Variants in TGM4 observed in about 807,000 individuals in gnomAD.
TGM4 encodes the protein transglutaminase 4, also known as protein-glutamine gamma-glutamyltransferase 4.
TGM4 carries 61 observed loss-of-function variants against 76.3 expected under a neutral mutation model. The ratio of observed to expected loss-of-function variants is 0.80; its 90% CI spans 0.65 to 0.99. The LOEUF (loss-of-function observed/expected upper bound fraction) is 0.99, where lower values mean the gene tolerates loss of function less well. Among genes scored for constraint, TGM4 ranks in the 50% least tolerant of loss-of-function variants. The pLI, the probability that TGM4 is intolerant of heterozygous loss-of-function variation, is 0.00. For synonymous variants in TGM4, 337 were observed against 329.8 expected, an observed-to-expected ratio of 1.02 and a Z score of -0.24; for missense variants, 794 against 843.2, an observed-to-expected ratio of 0.94 and a Z score of 0.72.
intron 10 of TGM4, 94 bp downstream of exon 10, chr3:44,907,294 G>A (rs375629233): frequency 4.0e-5 from 45 of 1,112,144 alleles, no homozygotes; most frequent in East Asian, 2.0e-4. Context: ...GCAACATGGT[G>A]AAACCCCATC....
rs114987106 is a variant in TGM4 at position 44,900,615 on chromosome 3, A to G, written c.658-909A>G. On this transcript the variant is annotated intron_variant, in intron 6 of 13. Coordinates refer to ENST00000296125, the MANE Select transcript of TGM4 (RefSeq NM_003241.4). ...ACTGTGCTTTTCACAAGGCATGATGAGGTTTGCAAAGGACGTTAGTGTGCA... is the reference window on the plus strand; with the variant it reads ...ACTGTGCTTTTCACAAGGCATGATGGGGTTTGCAAAGGACGTTAGTGTGCA... Among the ~76,000 whole-genome samples the G allele has an allele frequency of 9.2e-3, 1,407 of 152,294 alleles. 11 individuals are homozygous for G. Among genetic ancestry groups the G allele is most frequent in the Non-Finnish European group, 0.013 (863 of 68,016 alleles).
At chr3:44,891,512 TACACACACAC>T (rs9311363) in intron 4 of TGM4, among the ~76,000 whole-genome samples, 1 of 148,020 alleles carries the variant, frequency 6.8e-6, no homozygotes, top group South Asian at 2.2e-4. Context: ...CTCCCTCCTC[TACACACACAC>T]ACACACACAC....
At chr3:44,899,731 C>T (rs1699827060) in intron 6 of TGM4, 1 of 152,310 alleles carries the variant, frequency 6.6e-6, no homozygotes, top group African/African-American at 2.4e-5. Context: ...CATTATCTCC[C>T]ATGTCTGTGG....
intron 8 of TGM4, chr3:44,903,584 AC>A (rs1269662639): frequency 2.7e-6 from 1 of 375,080 alleles, no homozygotes; most frequent in Non-Finnish European, 4.9e-6. Context: ...CTTCGAGTTC[AC>A]CATCTCTAGT....
chr3:44,879,819 A>G (rs116513621), intron 1 of TGM4, among the ~76,000 whole-genome samples: 2,948 of 151,368 alleles, frequency 0.019, 49 homozygotes, highest in Middle Eastern at 0.065. Context: ...ATTTTTTGAA[A>G]TAAGGTCTCA....
At chr3:44,877,330 C>T (rs1462253626) in intron 1 of TGM4, among the ~76,000 whole-genome samples, 1 of 152,082 alleles carries the variant, frequency 6.6e-6, no homozygotes, top group Non-Finnish European at 1.5e-5. Flanking sequence ...CACCGGTAAT[C>T]CCAGCTACTT....
At chr3:44,912,887 G>C (rs184370087) in intron 13 of TGM4, among the ~76,000 whole-genome samples, 184 of 152,246 alleles carry the variant, frequency 1.2e-3, no homozygotes, top group Non-Finnish European at 2.0e-3. Flanking sequence ...TTGTTTGCTG[G>C]ACTATATGGA....
Position 44,911,330 on chromosome 3 carries a change from C to T in TGM4, c.1837C>T (p.Leu613=). Residue 613 remains leucine (L), a synonymous_variant, in exon 13 of 14, where the codon CTG becomes TTG. Coordinates refer to ENST00000296125, the MANE Select transcript of TGM4 (RefSeq NM_003241.4). ...LVCNCIFKNT[L]AIPLTDVKFS... ...CTGCAATTGTATCTTCAAGAATACC[C>T]TGGCCATCCCTTTGACTGACGTCAA... 3.1e-6 allele frequency: 5 copies of T among 1,614,262 alleles called. No individual in the cohort carries two copies. Among genetic ancestry groups the T allele is most frequent in the Non-Finnish European group, 4.2e-6 (5 of 1,180,042 alleles).
intron 9 of TGM4, among the ~76,000 whole-genome samples, chr3:44,906,122 G>A (rs750073469): frequency 2.0e-5 from 3 of 152,202 alleles, no homozygotes; most frequent in Non-Finnish European, 4.4e-5. Context: ...ATTAGATTAG[G>A]AGACCAGTTC....
At chr3:44,897,026 C>A (rs1246487904) in intron 6 of TGM4, among the ~76,000 whole-genome samples, 2 of 120,064 alleles carry the variant, frequency 1.7e-5, no homozygotes, top group Non-Finnish European at 3.3e-5. Context: ...TTTTTTGAGA[C>A]AGAGTCTCAT....
At position 44,887,760 on chromosome 3, in the gene TGM4, T is replaced by G; in HGVS notation, c.265T>G (p.Trp89Gly). 1 of 1,614,140 alleles carries G rather than the reference T, an allele frequency of 6.2e-7. No homozygotes were observed. The highest frequency in any genetic ancestry group is 1.1e-5 in the South Asian group (1 of 91,084). ...GAGGACGCCCTCAGACCACTACAAC[T>G]GGCAGGCAACCCTTCAAAATGAGTC... Reference protein sequence around the residue: ...DPRTPSDHYNWQATLQNESGK... With the variant: ...DPRTPSDHYNGQATLQNESGK... Residue 89 changes from tryptophan (W) to glycine (G), a missense_variant, in exon 3 of 14, where the codon TGG becomes GGG. By Grantham distance (184) the Trp-to-Gly change is radical. Coordinates refer to ENST00000296125, the MANE Select transcript of TGM4 (RefSeq NM_003241.4).
chr3:44,878,956 G>A (rs535586140), intron 1 of TGM4, among the ~76,000 whole-genome samples: 20 of 152,046 alleles, frequency 1.3e-4, no homozygotes, highest in African/African-American at 2.2e-4. Flanking sequence ...AAGACTCCGC[G>A]TCTCTAAACT....
At chr3:44,912,360 TTGTC>T (rs911982551) in intron 13 of TGM4, among the ~76,000 whole-genome samples, 1 of 152,176 alleles carries the variant, frequency 6.6e-6, no homozygotes, top group Non-Finnish European at 1.5e-5. Flanking sequence ...AGCTCCAACT[TTGTC>T]TGTGGTTTTC....
At chr3:44,908,233 T>C (rs888678088) in intron 10 of TGM4, among the ~76,000 whole-genome samples, 34 of 152,286 alleles carry the variant, frequency 2.2e-4, no homozygotes, top group African/African-American at 8.2e-4. Flanking sequence ...TCTCTTTGTG[T>C]TCAGAATGGA....
chr3:44,912,735 T>A (rs1056014670), intron 13 of TGM4, among the ~76,000 whole-genome samples: 1 of 152,234 alleles, frequency 6.6e-6, no homozygotes, highest in African/African-American at 2.4e-5. Context: ...TTTTCCCATT[T>A]TTTTCCAGTC....
Position 44,893,713 on chromosome 3 carries a change from T to A in TGM4, c.549+18T>A. The A allele has an allele frequency of 6.2e-7, 1 of 1,607,182 alleles. No individual in the cohort carries two copies. Among genetic ancestry groups the A allele is most frequent in the Non-Finnish European group, 8.5e-7 (1 of 1,173,826 alleles). On this transcript the variant is annotated intron_variant, in intron 5 of 13. Transcript: ENST00000296125. ...TTGGTCAGGTAATGATTTGTCGTCT[T>A]GTGGCTGCACCAGGCCCCATCTGCT...
rs557813511 is a variant in TGM4 at position 44,877,761 on chromosome 3, A to AT, written c.19+3067dup. 3.2e-3 allele frequency among the ~76,000 whole-genome samples: 480 copies of AT among 152,302 alleles called. 9 individuals carry two copies. The highest frequency in any genetic ancestry group is 0.028 in the Admixed American group (428 of 15,298). On this transcript the variant is annotated intron_variant, in intron 1 of 13. Coordinates refer to ENST00000296125, the MANE Select transcript of TGM4 (RefSeq NM_003241.4). ...AGTCGCTAGAAGGCTCTCTGGCAAC[A>AT]TTTGCTGAAATTAAAGATGCCCATA...
At chr3:44,885,236 T>G (rs973176267) in intron 1 of TGM4, 89 bp from the exon 2 acceptor site, 3 of 1,378,332 alleles carry the variant, frequency 2.2e-6, no homozygotes, top group Non-Finnish European at 3.0e-6. Context: ...TCCACCTCAA[T>G]GCACTCTCAG....
intron 5 of TGM4, among the ~76,000 whole-genome samples, chr3:44,895,629 C>T (rs1408729182): frequency 2.0e-5 from 3 of 151,394 alleles, no homozygotes; most frequent in Admixed American, 2.0e-4. Flanking sequence ...TACCCTCTCT[C>T]AAAAAAATAA....
Sources: gnomAD v4.1 joint callset for allele counts (sites outside exome capture counted in the v4.1 genomes callset) on GRCh38, gnomAD v4.1.1 for gene constraint, MANE v1.5 for transcripts, NCBI Gene and HGNC (gene_info 2026-07-23, HGNC 2026-07-21) for gene names.